SRSF11: variants seen among roughly 807,000 people sequenced by gnomAD.
SRSF11 encodes the protein serine/arginine-rich splicing factor 11.
SRSF11 carries 9 observed loss-of-function variants against 56.0 expected under a neutral mutation model. The ratio of observed to expected loss-of-function variants is 0.16; its 90% CI spans 0.10 to 0.28. The LOEUF (loss-of-function observed/expected upper bound fraction) is 0.28. Among genes scored for constraint, SRSF11 ranks in the 10% least tolerant of loss-of-function variants. The pLI, the probability that SRSF11 is intolerant of heterozygous loss-of-function variation, is 1.00. For synonymous variants in SRSF11, 222 were observed against 215.3 expected, an observed-to-expected ratio of 1.03 and a Z score of -0.27; for missense variants, 421 against 600.7, an observed-to-expected ratio of 0.70 and a Z score of 3.13.
chr1:70,229,783 T>C, intron 2 of SRSF11: 7 of 984,018 alleles, frequency 7.1e-6, no homozygotes, highest in Non-Finnish European at 7.2e-6. Context: ...CCTCTGGTTT[T>C]CTAAAGAAAT....
chr1:70,230,101 T>A (rs1672564070), intron 2 of SRSF11: 14 of 984,130 alleles, frequency 1.4e-5, no homozygotes, highest in Non-Finnish European at 1.4e-5. Context: ...AAATTTTTTA[T>A]TGGCTAAGTA....
intron 5 of SRSF11, among the ~76,000 whole-genome samples, chr1:70,236,910 C>A (rs1184136699): frequency 6.7e-6 from 1 of 148,518 alleles, no homozygotes; most frequent in African/African-American, 2.5e-5. Context: ...GTCTCAGCCT[C>A]CCGAATAGCT....
rs1447004123 is a variant in SRSF11, at chr1:70,234,729, C to T, written c.481C>T (p.Pro161Ser). ...GAVPLAALGA[P>S]TLDPALAALG... Reference sequence around the variant, plus strand: ...TGTTCCACTGGCTGCTTTGGGGGCTCCTACTCTTGATCCTGCCCTTGCTGC... The same window carrying T: ...TGTTCCACTGGCTGCTTTGGGGGCTTCTACTCTTGATCCTGCCCTTGCTGC... The change falls in exon 4 of 12, where the codon CCT becomes TCT. Residue 161 changes from proline (P) to serine (S), a missense_variant. Around this residue, in one of 2 missense-constraint regions of SRSF11, gnomAD observed 168 missense variants for 294.9 expected, o/e 0.57. Coordinates refer to ENST00000370949, the MANE Select transcript of SRSF11 (RefSeq NM_001350605.2). The T allele has an allele frequency of 1.2e-6, 2 of 1,609,530 alleles. No homozygotes were observed. Among genetic ancestry groups the T allele is most frequent in the East Asian group, 2.2e-5 (1 of 44,674 alleles).
At chr1:70,236,504 G>A (rs1674074389) in intron 5 of SRSF11, among the ~76,000 whole-genome samples, 1 of 151,610 alleles carries the variant, frequency 6.6e-6, no homozygotes. Flanking sequence ...CTAATTTTTT[G>A]TACTTTTAGT....
chr1:70,223,021 G>A (rs1226534487), intron 1 of SRSF11, among the ~76,000 whole-genome samples: 3 of 152,138 alleles, frequency 2.0e-5, no homozygotes, highest in Admixed American at 6.5e-5. Flanking sequence ...GAACAAACAC[G>A]TAAATCTTTA....
Position 70,250,934 on chromosome 1 carries a change from C to T in SRSF11, c.*129C>T. 1.3e-6 allele frequency: 1 copy of T among 749,082 alleles called. No homozygotes were observed. The highest frequency in any genetic ancestry group is 2.1e-6 in the Non-Finnish European group (1 of 466,624). 46.4% of individuals were successfully genotyped at this position (749,082 alleles called of 1,614,324 possible). ...CTCTGAGTTATAAATGGTTATAAAG[C>T]TCCTGTTACTCATATTAGTTATTTA... On this transcript the variant is annotated 3_prime_UTR_variant, in exon 12 of 12. Transcript: ENST00000370949.
At chr1:70,249,771 G>A (rs1011983035) in intron 9 of SRSF11, 181 bp from the exon 10 acceptor site, 5 of 575,510 alleles carry the variant, frequency 8.7e-6, no homozygotes, top group African/African-American at 3.8e-5. Context: ...TGTTGCCCAG[G>A]CTGGTCTGGA....
intron 8 of SRSF11, 164 bp from the exon 9 acceptor site, chr1:70,246,654 A>G (rs1676838963): frequency 2.2e-6 from 1 of 464,908 alleles, no homozygotes; most frequent in East Asian, 3.5e-5. Context: ...TTGTACTTCA[A>G]ATATGCCACA....
intron 1 of SRSF11, among the ~76,000 whole-genome samples, chr1:70,207,467 C>A (rs1465790231): frequency 6.6e-6 from 1 of 152,074 alleles, no homozygotes; most frequent in Non-Finnish European, 1.5e-5. Context: ...TCTCCAAAAC[C>A]TTTCTTTTTA....
At chr1:70,249,180 A>G (rs1019066664) in intron 9 of SRSF11, 3 of 152,154 alleles carry the variant, frequency 2.0e-5, no homozygotes, top group Non-Finnish European at 4.4e-5. Flanking sequence ...GCTAGAGTAT[A>G]AGGTTTCTAC....
intron 7 of SRSF11, among the ~76,000 whole-genome samples, chr1:70,242,113 G>A (rs1675566167): frequency 6.7e-6 from 1 of 150,250 alleles, no homozygotes. Context: ...GGATTGCAGT[G>A]AGCCAGGATG....
At chr1:70,236,887 A>G (rs1342218004) in intron 5 of SRSF11, among the ~76,000 whole-genome samples, 1 of 133,888 alleles carries the variant, frequency 7.5e-6, no homozygotes, top group Non-Finnish European at 1.5e-5. Context: ...TCCCGGGTTC[A>G]AGCAATTCTG....
At chr1:70,234,895 A>G (rs891693049) in intron 4 of SRSF11, 107 bp downstream of exon 4, 2 of 889,694 alleles carry the variant, frequency 2.2e-6, no homozygotes, top group Non-Finnish European at 3.4e-6. Flanking sequence ...TGTTGTAGTA[A>G]TTTTTTTTCT....
intron 9 of SRSF11, 135 bp downstream of exon 9, chr1:70,247,042 T>C: frequency 9.0e-7 from 1 of 1,109,482 alleles, no homozygotes; most frequent in Non-Finnish European, 1.2e-6. Flanking sequence ...TTGCTGTTAT[T>C]TAAAGTTTTT....
intron 2 of SRSF11, chr1:70,231,075 T>G (rs1372366177): frequency 7.0e-6 from 9 of 1,289,544 alleles, no homozygotes; most frequent in Non-Finnish European, 8.1e-6. Flanking sequence ...GTTTTTCTTT[T>G]TTGTTGTTGT....
chr1:70,240,770 CT>C (rs72113966), intron 7 of SRSF11, among the ~76,000 whole-genome samples: 8,145 of 109,782 alleles, frequency 0.074, 133 homozygotes, highest in East Asian at 0.22. Flanking sequence ...CATCACTGGA[CT>C]TTTTTTTTTT....
intron 6 of SRSF11, among the ~76,000 whole-genome samples, chr1:70,238,521 T>G (rs909881253): frequency 2.0e-5 from 3 of 152,236 alleles, no homozygotes; most frequent in Admixed American, 2.0e-4. Flanking sequence ...TTTCTCTTGT[T>G]ATGTCCCCAG....
intron 1 of SRSF11, among the ~76,000 whole-genome samples, chr1:70,211,830 G>A (rs778128310): frequency 5.7e-4 from 86 of 152,034 alleles, no homozygotes; most frequent in Non-Finnish European, 1.1e-3. Context: ...CATTCTAGAG[G>A]TACATGTTTT....
chr1:70,206,871 CAA>C (rs1266103180), intron 1 of SRSF11, among the ~76,000 whole-genome samples: 5 of 148,058 alleles, frequency 3.4e-5, no homozygotes, highest in Admixed American at 1.3e-4. Context: ...ACTAAAAAAG[CAA>C]AGAGTGGATT....
Sources: gnomAD v4.1 joint callset for allele counts (sites outside exome capture counted in the v4.1 genomes callset) on GRCh38, gnomAD v4.1.1 for gene constraint, gnomAD v4.1.1 regional missense constraint, MANE v1.5 for transcripts, NCBI Gene and HGNC (gene_info 2026-07-23, HGNC 2026-07-21) for gene names.